The following RGS6 variants were observed in gnomAD, a reference collection of about 807,000 sequenced individuals.
RGS6 encodes regulator of G-protein signaling 6.
RGS6 carries 30 observed loss-of-function variants against 78.5 expected under a neutral mutation model. The observed-to-expected ratio is 0.38, with a 90% CI of 0.29 to 0.52. The LOEUF is 0.52. Ranked by LOEUF, RGS6 falls within the 20% of genes least tolerant of loss-of-function variation. RGS6 has a pLI of 0.85. For missense variants in RGS6, 495 were observed against 609.7 expected (o/e 0.81, Z 1.98); for synonymous variants, 206 against 206.0 (o/e 1.00, Z 0.00).
intron 2 of RGS6, among the ~76,000 whole-genome samples, chr14:72,018,860 G>T (rs372450319): frequency 6.6e-6 from 1 of 152,046 alleles, no homozygotes; most frequent in Non-Finnish European, 1.5e-5. Context: ...TTTGTTTCTG[G>T]CACCTGGTAA....
At chr14:71,956,683 C>A (rs1049116342) in intron 1 of RGS6, among the ~76,000 whole-genome samples, 4 of 152,118 alleles carry the variant, frequency 2.6e-5, no homozygotes, top group African/African-American at 9.7e-5. Flanking sequence ...GGTCTGCCTT[C>A]CCCAGCCCAC....
the RGS6 span, among the ~76,000 whole-genome samples, chr14:72,593,298 T>C: frequency 6.6e-6 from 1 of 152,260 alleles, no homozygotes. Flanking sequence ...AGACTGATGT[T>C]TGCCAAACAA....
intron 2 of RGS6, among the ~76,000 whole-genome samples, chr14:72,162,492 T>G (rs1349838824): frequency 6.6e-6 from 1 of 151,972 alleles, no homozygotes; most frequent in Non-Finnish European, 1.5e-5. Context: ...TGTCTGGAGT[T>G]GGGGCTAAGG....
the RGS6 span, among the ~76,000 whole-genome samples, chr14:71,895,180 C>T: frequency 6.6e-6 from 1 of 152,028 alleles, no homozygotes; most frequent in East Asian, 1.9e-4. Flanking sequence ...CACTATTAGA[C>T]TGTTTTTTGT....
the RGS6 span, among the ~76,000 whole-genome samples, chr14:71,903,050 C>T: frequency 6.6e-6 from 1 of 152,194 alleles, no homozygotes; most frequent in African/African-American, 2.4e-5. Context: ...GAGATAATGA[C>T]ATTGGCTTAG....
intron 2 of RGS6, among the ~76,000 whole-genome samples, chr14:72,029,439 T>C (rs1378179391): frequency 2.6e-5 from 4 of 152,224 alleles, no homozygotes; most frequent in African/African-American, 7.2e-5. Context: ...CTAGAGTACC[T>C]CATGTTCAGT....
intron 6 of RGS6, among the ~76,000 whole-genome samples, chr14:72,462,036 G>A (rs780166492): frequency 1.2e-4 from 18 of 152,102 alleles, no homozygotes; most frequent in Non-Finnish European, 2.1e-4. Context: ...TGAGGTGACC[G>A]TCTCACCAGG....
At chr14:72,182,394 C>T (rs977236082) in intron 2 of RGS6, among the ~76,000 whole-genome samples, 5 of 130,684 alleles carry the variant, frequency 3.8e-5, no homozygotes, top group East Asian at 2.2e-4. Flanking sequence ...GAGTCGAGAT[C>T]GTGCCAAGAG....
At chr14:72,215,054 G>A (rs1426364073) in intron 2 of RGS6, among the ~76,000 whole-genome samples, 1 of 152,180 alleles carries the variant, frequency 6.6e-6, no homozygotes, top group Non-Finnish European at 1.5e-5. Context: ...CCTTTAGTGA[G>A]TTCCAGGTAA....
chr14:71,935,996 A>AGAGG, intron 1 of RGS6, among the ~76,000 whole-genome samples: 1 of 123,532 alleles, frequency 8.1e-6, no homozygotes, highest in Non-Finnish European at 1.7e-5. Context: ...GGGTTCTCTT[A>AGAGG]GAGGGACAGA....
At chr14:71,897,207 G>T in the RGS6 span, among the ~76,000 whole-genome samples, 1 of 152,210 alleles carries the variant, frequency 6.6e-6, no homozygotes, top group Non-Finnish European at 1.5e-5. Flanking sequence ...AAATATTCTG[G>T]CTATCTGCCA....
intron 3 of RGS6, among the ~76,000 whole-genome samples, chr14:72,424,722 T>C (rs1002627446): frequency 1.3e-5 from 2 of 152,248 alleles, no homozygotes; most frequent in African/African-American, 4.8e-5. Flanking sequence ...TTTGCATTAG[T>C]ATTTTCTGGA....
chr14:71,943,311 A>G (rs2090956117), intron 1 of RGS6, among the ~76,000 whole-genome samples: 1 of 152,206 alleles, frequency 6.6e-6, no homozygotes, highest in Non-Finnish European at 1.5e-5. Flanking sequence ...TGACCATGAG[A>G]ATAGAGGACC....
intron 2 of RGS6, among the ~76,000 whole-genome samples, chr14:72,171,791 A>G (rs566562826): frequency 1.3e-5 from 2 of 152,336 alleles, no homozygotes; most frequent in East Asian, 1.9e-4. Flanking sequence ...TGAATTCTTA[A>G]TAAGTGTTTT....
chr14:72,394,766 C>T (rs950401354), intron 3 of RGS6, among the ~76,000 whole-genome samples: 7 of 152,056 alleles, frequency 4.6e-5, no homozygotes, highest in African/African-American at 1.7e-4. Flanking sequence ...TGACATACAT[C>T]CTCAGCTTAC....
chr14:72,452,250 C>G (rs921290627), intron 3 of RGS6, among the ~76,000 whole-genome samples: 2 of 150,216 alleles, frequency 1.3e-5, no homozygotes, highest in African/African-American at 2.5e-5. Context: ...CTCTCTCTCT[C>G]TCTCCAAGAA....
chr14:72,051,845 A>G (rs2093265555), intron 2 of RGS6, among the ~76,000 whole-genome samples: 2 of 152,184 alleles, frequency 1.3e-5, no homozygotes, highest in South Asian at 4.1e-4. Flanking sequence ...ACATAGTAAA[A>G]CAGAGCGACC....
chr14:72,568,862 G>A (rs2097717015), downstream of RGS6, among the ~76,000 whole-genome samples: 1 of 152,246 alleles, frequency 6.6e-6, no homozygotes, highest in Admixed American at 6.5e-5. Context: ...GGAACACGTG[G>A]ACCTCCACGG....
the RGS6 span, among the ~76,000 whole-genome samples, chr14:72,575,280 G>A: frequency 6.6e-6 from 1 of 152,094 alleles, no homozygotes; most frequent in Non-Finnish European, 1.5e-5. Context: ...TGAGGGCCCT[G>A]GCAACCAGGG....
Sources: gnomAD v4.1 joint callset for allele counts (sites outside exome capture counted in the v4.1 genomes callset) on GRCh38, gnomAD v4.1.1 for gene constraint, MANE v1.5 for transcripts, NCBI Gene and HGNC (gene_info 2026-07-23, HGNC 2026-07-21) for gene names.